The following TTN variants were observed in gnomAD, a reference collection of about 807,000 sequenced individuals.
TTN encodes connectin.
A neutral mutation model predicts 3,223.0 loss-of-function variants in TTN; 1,525 were observed. The observed-to-expected ratio is 0.47, with a 90% CI of 0.45 to 0.49. TTN has a LOEUF of 0.49. Ranked by LOEUF, TTN falls within the 20% of genes least tolerant of loss-of-function variation. The pLI is 0.00. For synonymous variants in TTN, 14,094 were observed against 15,161.0 expected, an observed-to-expected ratio of 0.93 and a Z score of 5.17; for missense variants, 40,786 against 43,424.0, an observed-to-expected ratio of 0.94 and a Z score of 5.40.
In TTN at chr2:178,559,735, A is replaced by T; in HGVS notation, c.86397T>A (p.Ala28799=). ...SKPDTDLRTR[A]YVDTTDSRTS... ...TACGAGAGTCTGTGGTATCAACATA[A>T]GCTCTAGTACGGAGGTCAGTGTCTG... The change falls in exon 326 of 363, where the codon GCT becomes GCA. Residue 28799 remains alanine, a synonymous_variant. Transcript: ENST00000589042. 1 of 1,599,910 alleles carries T rather than the reference A, an allele frequency of 6.3e-7. No individual in the cohort carries two copies.
At chr2:178,644,491 C>G (rs1335646503) in intron 218 of TTN, 57 bp downstream of exon 218, 1 of 1,287,744 alleles carries the variant, frequency 7.8e-7, no homozygotes, top group Non-Finnish European at 1.1e-6. Context: ...GCAGAAAGAG[C>G]AAGGAGTCAG....
Position 178,565,006 on chromosome 2 carries a change from C to T in TTN, c.81126G>A (p.Glu27042=). The stretch of plus-strand genomic sequence containing the variant: ...TTTCAGCAAAAATTCTAAACTGGTA[C>T]TCCGTGCCTGTTTTCAGTTTGGTTA... The part of the protein sequence containing the change: ...IKITKLKTGT[E]YQFRIFAENR... Residue 27042 remains glutamate, a synonymous_variant, in exon 326 of 363, where the codon GAG becomes GAA. Coordinates refer to ENST00000589042, the MANE Select transcript of TTN (RefSeq NM_001267550.2). 1 of 1,613,162 alleles carries T rather than the reference C, an allele frequency of 6.2e-7. No individual in the cohort carries two copies.
At chr2:178,751,590 C>T in intron 47 of TTN, 1 of 1,613,262 alleles carries the variant, frequency 6.2e-7, no homozygotes, top group Non-Finnish European at 8.5e-7. Context: ...AAATATTTCT[C>T]ATCTTGCCCT....
chr2:178,715,853 C>A, intron 88 of TTN, 79 bp from the exon 89 acceptor site: 1 of 1,416,960 alleles, frequency 7.1e-7, no homozygotes, highest in East Asian at 2.5e-5. Flanking sequence ...AAAAAATAAT[C>A]TTTGCTAGAG....
intron 344 of TTN, 35 bp downstream of exon 344, chr2:178,545,353 G>T: frequency 6.7e-7 from 1 of 1,503,264 alleles, no homozygotes. Flanking sequence ...TAGTTTTGAG[G>T]AGCATTGTAT....
intron 361 of TTN, chr2:178,527,977 G>A: frequency 1.8e-6 from 1 of 541,210 alleles, no homozygotes; most frequent in Non-Finnish European, 3.2e-6. Flanking sequence ...ACATGCAGGT[G>A]CTAGGAATCA....
intron 282 of TTN, among the ~76,000 whole-genome samples, chr2:178,603,594 T>C (rs2054017137): frequency 6.6e-6 from 1 of 151,992 alleles, no homozygotes; most frequent in African/African-American, 2.4e-5. Context: ...CATAGGAGTT[T>C]ATAGTCCAGG....
chr2:178,748,968 T>G, intron 47 of TTN: 1 of 1,612,552 alleles, frequency 6.2e-7, no homozygotes, highest in Non-Finnish European at 8.5e-7. Context: ...GATGTTCTGG[T>G]AGGTCTTTTT....
At chr2:178,536,861 T>C (rs1002471438) in intron 356 of TTN, 77 bp downstream of exon 356, 1 of 1,329,598 alleles carries the variant, frequency 7.5e-7, no homozygotes, top group Admixed American at 2.9e-5. Flanking sequence ...CCTTTCAAAA[T>C]TTCTTTCTGT....
intron 118 of TTN, 86 bp from the exon 119 acceptor site, chr2:178,693,775 A>G (rs2073036167): frequency 1.6e-6 from 2 of 1,237,264 alleles, no homozygotes; most frequent in Admixed American, 2.4e-5. Flanking sequence ...ATAAAAATGA[A>G]AACAGAGACA....
Position 178,717,694 on chromosome 2 carries a change from A to C in TTN, c.25180T>G (p.Tyr8394Asp), listed in dbSNP as rs898098652. The change falls in exon 87 of 363, where the codon TAC (tyrosine) becomes GAC (aspartate). Residue 8394 changes from tyrosine to aspartate, a missense_variant. Coordinates refer to ENST00000589042, the MANE Select transcript of TTN (RefSeq NM_001267550.2). The stretch of plus-strand genomic sequence containing the variant: ...TCTTTCAAAAGAACCCCATCCTTGT[A>C]CCAAGACACTTGAAGAGGTTCTGAG... The part of the protein sequence containing the change: ...NGSEPLQVSW[Y>D]KDGVLLKDDA... 2.9e-5 allele frequency: 46 copies of C among 1,613,378 alleles called. No homozygotes were observed. The highest frequency in any genetic ancestry group is 3.6e-5 in the Non-Finnish European group (43 of 1,179,620).
chr2:178,680,190 A>T, intron 139 of TTN, 64 bp downstream of exon 139: 1 of 1,589,968 alleles, frequency 6.3e-7, no homozygotes, highest in Non-Finnish European at 8.6e-7. Flanking sequence ...TTTCACACAC[A>T]GAACTGAAGA....
chr2:178,783,945 C>A (rs2092982065), intron 16 of TTN, 125 bp downstream of exon 16: 4 of 1,489,506 alleles, frequency 2.7e-6, no homozygotes, highest in South Asian at 1.2e-5. Flanking sequence ...CCATAAAAAT[C>A]AAGTCTTAGT....
At chr2:178,727,507 G>T in intron 68 of TTN, 78 bp downstream of exon 68, 1 of 1,512,286 alleles carries the variant, frequency 6.6e-7, no homozygotes, top group Non-Finnish European at 8.8e-7. Context: ...TTTCTTGATT[G>T]TTTAGAGACA....
intron 356 of TTN, 149 bp from the exon 357 acceptor site, chr2:178,536,724 A>T: frequency 1.1e-6 from 1 of 871,788 alleles, no homozygotes; most frequent in Non-Finnish European, 1.7e-6. Context: ...TTATACTAAG[A>T]CATATCAAAA....
rs1386554262 is a variant in TTN, at chr2:178,707,668, T to C, written c.28899A>G (p.Ser9633=). ...WLKAGREIKP[S]DRCSFSFASG... ...TAGCAAAGCTGAAGCTGCATCTGTCTGAAGGCTTTATTTCCCTGCCAGCCT... is the reference window on the plus strand; with the variant it reads ...TAGCAAAGCTGAAGCTGCATCTGTCCGAAGGCTTTATTTCCCTGCCAGCCT... Residue 9633 remains serine (S), a synonymous_variant, in exon 100 of 363, where the codon TCA becomes TCG. Coordinates refer to ENST00000589042, the MANE Select transcript of TTN (RefSeq NM_001267550.2). The C allele has an allele frequency of 4.3e-6, 7 of 1,613,982 alleles. No individual in the cohort carries two copies. Among genetic ancestry groups the C allele is most frequent in the Non-Finnish European group, 5.9e-6 (7 of 1,179,862 alleles).
In TTN at chr2:178,569,035, T is replaced by C. The variant is rs1707119505; in HGVS notation, c.77097A>G (p.Pro25699=). 6.2e-7 allele frequency: 1 copy of C among 1,613,324 alleles called. No homozygotes were observed. The highest frequency in any genetic ancestry group is 1.7e-5 in the Admixed American group (1 of 59,978). ...CCACAGTTATTTTTCCAGGAGGTTG[T>C]GGCACTTCTGCAACCTTAATTGGAT... ...TADPIKVAEV[P]QPPGKITVDD... The change falls in exon 326 of 363, where the codon CCA becomes CCG. Residue 25699 remains proline (P), a synonymous_variant. Transcript: ENST00000589042.
rs750291830 is a variant in TTN, at chr2:178,669,426, C to T, written c.35492G>A (p.Ser11831Asn). The T allele has an allele frequency of 2.0e-6, 3 of 1,527,898 alleles. No individual in the cohort carries two copies. Among genetic ancestry groups the T allele is most frequent in the Non-Finnish European group, 2.6e-6 (3 of 1,149,862 alleles). 94.6% of individuals were successfully genotyped at this position (1,527,898 alleles called of 1,614,324 possible). A position where few individuals can be genotyped will look rare whatever the true frequency, so the allele number is the denominator to read the frequency against. The change falls in exon 159 of 363, where the codon AGT (serine) becomes AAT (asparagine). Residue 11831 changes from serine (S) to asparagine (N), a missense_variant. By Grantham distance (46) the Ser-to-Asn change is conservative. Coordinates refer to ENST00000589042, the MANE Select transcript of TTN (RefSeq NM_001267550.2). ...AATAGGTGATTTTTCTTCTTGAACA[C>T]TTTTCTTAGGCATCCCAGGAACTTT... Reference protein sequence around the residue: ...PAKVPGMPKKSVQEEKSPIVI... With the variant: ...PAKVPGMPKKNVQEEKSPIVI...
chr2:178,651,331 A>G lies in TTN; in HGVS notation c.39548-11T>C, dbSNP rs747816786. The G allele has an allele frequency of 6.2e-7, 1 of 1,611,804 alleles. No individual in the cohort carries two copies. Among genetic ancestry groups the G allele is most frequent in the Non-Finnish European group, 8.5e-7 (1 of 1,178,526 alleles). ...TTGGAACTTCAGGCACTTCAAATAT[A>G]TTAGTATTTTAACATTAGAAACAAT... On this transcript the variant is annotated splice_polypyrimidine_tract_variant and intron_variant, in intron 207 of 362. Coordinates refer to ENST00000589042, the MANE Select transcript of TTN (RefSeq NM_001267550.2).
Sources: allele counts gnomAD v4.1 joint callset (sites outside exome capture counted in the v4.1 genomes callset), GRCh38; gene constraint gnomAD v4.1.1; transcripts MANE v1.5; gene names NCBI Gene and HGNC (gene_info 2026-07-23, HGNC 2026-07-21).